The following ADRA1A variants were observed in gnomAD, a reference collection of about 807,000 sequenced individuals.
ADRA1A encodes adrenoceptor alpha 1A, also known as alpha-1A adrenergic receptor.
A neutral mutation model predicts 29.6 loss-of-function variants in ADRA1A; 31 were observed. The observed-to-expected ratio is 1.05, with a 90% CI of 0.79 to 1.41. The LOEUF is 1.41. Ranked by LOEUF, ADRA1A falls within the 40% of genes most tolerant of loss-of-function variation. ADRA1A has a pLI of 0.00. For synonymous variants in ADRA1A, 311 were observed against 254.3 expected (o/e 1.22, Z -2.12); for missense variants, 619 against 601.1 (o/e 1.03, Z -0.31).
At chr8:26,802,216 C>T (rs1191995247) in intron 2 of ADRA1A, among the ~76,000 whole-genome samples, 4 of 151,698 alleles carry the variant, frequency 2.6e-5, no homozygotes, top group African/African-American at 7.3e-5. Flanking sequence ...GCAAAAAAAA[C>T]GGACAAATGG....
intron 2 of ADRA1A, among the ~76,000 whole-genome samples, chr8:26,818,801 TTAAAA>T (rs997760622): frequency 6.6e-6 from 1 of 150,926 alleles, no homozygotes; most frequent in African/African-American, 2.4e-5. Flanking sequence ...AGTAAAAAAA[TTAAAA>T]TAAAAAAAGT....
At chr8:26,766,209 G>T (rs568851924), downstream of ADRA1A, 20 of 1,155,262 alleles carry the variant, frequency 1.7e-5, no homozygotes, top group East Asian at 4.7e-4. Flanking sequence ...TGTCGTATTT[G>T]CTTTCATTTA....
At chr8:26,752,350 T>C (rs984001752), downstream of ADRA1A, among the ~76,000 whole-genome samples, 4 of 152,204 alleles carry the variant, frequency 2.6e-5, no homozygotes, top group African/African-American at 9.6e-5. Context: ...AGGCTGGCCA[T>C]CCCACCCTAA....
intron 2 of ADRA1A, among the ~76,000 whole-genome samples, chr8:26,782,768 A>G (rs1807088517): frequency 6.6e-6 from 1 of 152,046 alleles, no homozygotes; most frequent in Admixed American, 6.6e-5. Context: ...TGCACACACA[A>G]CTATTACCAG....
chr8:26,830,891 C>A lies in ADRA1A; in HGVS notation c.883+33196G>T, dbSNP rs539089510. 2.0e-5 allele frequency among the ~76,000 whole-genome samples: 3 copies of A among 152,238 alleles called. No individual in the cohort carries two copies. The South Asian group carries it at 6.2e-4, about 32-fold the overall frequency. ...CTCCCAGATGAGGTTAGGGTCATTG[C>A]GGGCGGGAGGGAGTCTTTCTCACCT... On this transcript the variant is annotated intron_variant, in intron 2 of 2. Transcript: ENST00000380573.
rs1234822201 is a variant in ADRA1A at position 26,831,480 on chromosome 8, C to T, written c.883+32607G>A. Among the ~76,000 whole-genome samples, 2 of 152,314 alleles carry T rather than the reference C, an allele frequency of 1.3e-5. No homozygotes were observed. The highest frequency in any genetic ancestry group is 3.9e-4 in the East Asian group (2 of 5,158). On this transcript the variant is annotated intron_variant, in intron 2 of 2. Transcript: ENST00000380573. The surrounding 1 kb of genome is among the most constrained non-coding windows in gnomAD (Gnocchi z 5.2). Reference sequence around the variant, plus strand: ...GCTGGGATTGCCCAGTACCAACCCCCTGCCCACACCCCACCACTGATCATG... The same window carrying T: ...GCTGGGATTGCCCAGTACCAACCCCTTGCCCACACCCCACCACTGATCATG...
intron 2 of ADRA1A, among the ~76,000 whole-genome samples, chr8:26,845,950 C>T (rs556090587): frequency 1.3e-4 from 20 of 152,166 alleles, no homozygotes; most frequent in African/African-American, 4.8e-4. Context: ...CTAATGGGAC[C>T]CAGATTTCAT....
intron 2 of ADRA1A, among the ~76,000 whole-genome samples, chr8:26,773,129 C>T (rs1040530499): frequency 2.0e-5 from 3 of 152,260 alleles, no homozygotes; most frequent in South Asian, 2.1e-4. Flanking sequence ...GTAGCTCAAC[C>T]GAGGTCACTC....
intron 2 of ADRA1A, among the ~76,000 whole-genome samples, chr8:26,824,839 G>C (rs1471866806): frequency 1.3e-5 from 2 of 152,202 alleles, no homozygotes; most frequent in Non-Finnish European, 2.9e-5. Flanking sequence ...AATTGCAGGA[G>C]AACAGGTAGA....
At position 26,769,131 on chromosome 8, in the gene ADRA1A, G is replaced by C; in HGVS notation, c.*1018C>G. On this transcript the variant is annotated 3_prime_UTR_variant, in exon 3 of 3. Transcript: ENST00000380573. The stretch of plus-strand genomic sequence containing the variant: ...AATAGTGAAGCAGATAAGAAGTAAT[G>C]GGAGACAATCTTTTGCCTTTCAAAA... 1 of 985,392 alleles carries C rather than the reference G, an allele frequency of 1.0e-6. No individual in the cohort carries two copies. Among genetic ancestry groups the C allele is most frequent in the Middle Eastern group, 5.2e-4 (1 of 1,914 alleles). 61.0% of individuals were successfully genotyped at this position (985,392 alleles called of 1,614,324 possible).
At chr8:26,779,374 C>T (rs1274284520) in intron 2 of ADRA1A, 5 of 702,856 alleles carry the variant, frequency 7.1e-6, no homozygotes, top group Non-Finnish European at 1.3e-5. Flanking sequence ...GCATGGTGAA[C>T]TGGTTGTTTA....
chr8:26,864,403 C>G lies in ADRA1A; in HGVS notation c.567G>C (p.Ala189=). The G allele has an allele frequency of 6.2e-7, 1 of 1,613,544 alleles. No individual in the cohort carries two copies. The highest frequency in any genetic ancestry group is 1.1e-5 in the South Asian group (1 of 91,080). The stretch of plus-strand genomic sequence containing the variant: ...CCAGAGGCAGGTAGAAGGAGCCCAG[C>G]GCTGAGAAGAGCACGTAGCCCGGCT... ...NEEPGYVLFS[A]LGSFYLPLAI... Residue 189 remains alanine, a synonymous_variant, in exon 2 of 3, where the codon GCG becomes GCC. Transcript: ENST00000380573. The surrounding 1 kb of genome is among the most constrained non-coding windows in gnomAD (Gnocchi z 8.1).
intron 2 of ADRA1A, among the ~76,000 whole-genome samples, chr8:26,822,527 GA>G (rs1457857770): frequency 6.6e-6 from 1 of 152,152 alleles, no homozygotes; most frequent in Non-Finnish European, 1.5e-5. Flanking sequence ...CTTACAAAAT[GA>G]AGATTACAAT....
At chr8:26,836,616 T>C (rs1811383059) in intron 2 of ADRA1A, among the ~76,000 whole-genome samples, 1 of 152,226 alleles carries the variant, frequency 6.6e-6, no homozygotes, top group Non-Finnish European at 1.5e-5. Context: ...AAGAGACGTG[T>C]AGCGAGTTAT....
exon 3 of ADRA1A, chr8:26,748,620 G>A (rs1453126505): frequency 4.7e-6 from 2 of 422,550 alleles, no homozygotes; most frequent in East Asian, 8.2e-5. Context: ...CGGCCTGGTG[G>A]CACATCCCTG....
exon 3 of ADRA1A, chr8:26,748,721 C>G (rs61758630): frequency 6.4e-4 from 241 of 374,420 alleles, no homozygotes; most frequent in Non-Finnish European, 1.1e-3. Context: ...CCACTGCACT[C>G]CAGCCTGGTG....
At chr8:26,793,086 C>A (rs184303461) in intron 2 of ADRA1A, among the ~76,000 whole-genome samples, 1 of 151,764 alleles carries the variant, frequency 6.6e-6, no homozygotes, top group South Asian at 2.1e-4. Flanking sequence ...AAAGCAGACT[C>A]CATGACATAA....
chr8:26,797,733 G>T (rs1808280464), intron 2 of ADRA1A, among the ~76,000 whole-genome samples: 2 of 152,022 alleles, frequency 1.3e-5, no homozygotes, highest in South Asian at 2.1e-4. Flanking sequence ...GTGTAGAGGG[G>T]TCTTAAGACC....
At chr8:26,861,134 C>A (rs965486431) in intron 2 of ADRA1A, among the ~76,000 whole-genome samples, 2 of 152,136 alleles carry the variant, frequency 1.3e-5, no homozygotes, top group African/African-American at 4.8e-5. Context: ...TCTAACCTGA[C>A]CTCTCAGCTG....
Sources: allele counts gnomAD v4.1 joint callset (sites outside exome capture counted in the v4.1 genomes callset), GRCh38; gene constraint gnomAD v4.1.1; non-coding constraint Gnocchi (gnomAD v3.1); transcripts MANE v1.5; gene names NCBI Gene and HGNC (gene_info 2026-07-23, HGNC 2026-07-21).